Variants in SH3BP5 observed in about 807,000 individuals in gnomAD.
SH3BP5 encodes the protein SH3 domain binding protein 5.
In SH3BP5, 22 loss-of-function variants were observed where a neutral mutation model predicts 43.3. The observed-to-expected ratio is 0.51, with a 90% confidence interval of 0.36 to 0.73. The LOEUF (loss-of-function observed/expected upper bound fraction) is 0.73, where lower values mean the gene tolerates loss of function less well. SH3BP5 is among the 30% of genes least tolerant of loss of function. SH3BP5 has a pLI of 0.00. For synonymous variants in SH3BP5, 255 were observed against 225.8 expected (o/e 1.13, Z -1.16); for missense variants, 529 against 586.9 (o/e 0.90, Z 1.02).
chr3:15,278,242 A>G (rs1245835398), intron 3 of SH3BP5, among the ~76,000 whole-genome samples: 1 of 152,246 alleles, frequency 6.6e-6, no homozygotes, highest in African/African-American at 2.4e-5. Context: ...CTCATGAAGA[A>G]AAGCATCAGA....
At chr3:15,287,634 G>A (rs1431370398) in intron 3 of SH3BP5, among the ~76,000 whole-genome samples, 2 of 152,208 alleles carry the variant, frequency 1.3e-5, no homozygotes, top group East Asian at 3.8e-4. Context: ...CATTTAAGCA[G>A]CTATGTGTGG....
intron 2 of SH3BP5, among the ~76,000 whole-genome samples, chr3:15,327,884 A>G (rs1187543887): frequency 6.6e-6 from 1 of 152,220 alleles, no homozygotes; most frequent in African/African-American, 2.4e-5. Context: ...TATGCCAAAG[A>G]TCTTAAAGAC....
At chr3:15,316,179 G>A (rs1023563856) in intron 2 of SH3BP5, among the ~76,000 whole-genome samples, 2 of 149,488 alleles carry the variant, frequency 1.3e-5, no homozygotes, top group African/African-American at 4.9e-5. Flanking sequence ...TAAACAATAT[G>A]AGCCAGTTAT....
Position 15,332,277 on chromosome 3 carries a change from C to G in SH3BP5, c.132G>C (p.Arg44=), listed in dbSNP as rs774382571. 11 of 1,550,302 alleles carry G rather than the reference C, an allele frequency of 7.1e-6. No individual in the cohort carries two copies. In the East Asian group the frequency reaches 2.4e-4, roughly 34 times the overall value. Reference sequence around the variant, plus strand: ...GCGACCCCGCGCGCCCTACCTGGATCCGGGGATCCACCTCTTCTTCCTCCT... The same window carrying G: ...GCGACCCCGCGCGCCCTACCTGGATGCGGGGATCCACCTCTTCTTCCTCCT... ...GLEEEEEVDP[R]IQGELEKLNQ... Residue 44 remains arginine (R), a synonymous_variant, in exon 1 of 9, where the codon CGG becomes CGC. Transcript: ENST00000383791.
chr3:15,304,854 G>A (rs190996097), intron 2 of SH3BP5, among the ~76,000 whole-genome samples: 5 of 141,584 alleles, frequency 3.5e-5, no homozygotes, highest in African/African-American at 7.9e-5. Context: ...CAACAACAAC[G>A]CAAAGTTTCT....
Position 15,259,219 on chromosome 3 carries a change from A to C in SH3BP5, c.670-169T>G, listed in dbSNP as rs531314900. ...GTAACTGCTATTCATTCACCAGACA[A>C]AATCAGCCACCACCATCCCCAGATC... On this transcript the variant is annotated intron_variant, in intron 6 of 8. Coordinates refer to ENST00000383791, the MANE Select transcript of SH3BP5 (RefSeq NM_004844.5). The C allele has an allele frequency of 2.7e-5, 17 of 626,150 alleles. No homozygotes were observed. In the South Asian group the frequency reaches 2.9e-4, roughly 11 times the overall value. 38.8% of individuals were successfully genotyped at this position (626,150 alleles called of 1,614,324 possible).
At chr3:15,311,175 T>C (rs1329420539) in intron 2 of SH3BP5, among the ~76,000 whole-genome samples, 4 of 152,172 alleles carry the variant, frequency 2.6e-5, no homozygotes, top group African/African-American at 9.7e-5. Context: ...GTATACCACT[T>C]TCAGTTGGCA....
chr3:15,270,338 G>A (rs967981654), intron 3 of SH3BP5, among the ~76,000 whole-genome samples: 9 of 152,124 alleles, frequency 5.9e-5, no homozygotes, highest in Admixed American at 3.3e-4. Flanking sequence ...TAGCTGAGAG[G>A]ACACAGCCTT....
chr3:15,270,948 T>A (rs894202566), intron 3 of SH3BP5, among the ~76,000 whole-genome samples: 2 of 149,506 alleles, frequency 1.3e-5, no homozygotes, highest in African/African-American at 4.9e-5. Context: ...AAAAAGTGAT[T>A]AATCCCAATT....
intron 2 of SH3BP5, among the ~76,000 whole-genome samples, chr3:15,304,995 G>A (rs772865136): frequency 6.6e-5 from 10 of 151,328 alleles, no homozygotes; most frequent in Non-Finnish European, 8.8e-5. Flanking sequence ...GGGGACACCT[G>A]TAATCCCAGC....
At chr3:15,288,998 C>T (rs900526660) in intron 3 of SH3BP5, among the ~76,000 whole-genome samples, 3 of 152,160 alleles carry the variant, frequency 2.0e-5, no homozygotes, top group African/African-American at 7.2e-5. Flanking sequence ...CAGAGAGATA[C>T]AGGTAGTTAC....
chr3:15,292,603 C>T (rs1697442379), intron 3 of SH3BP5, among the ~76,000 whole-genome samples: 1 of 152,138 alleles, frequency 6.6e-6, no homozygotes. Flanking sequence ...AATCCCAGCA[C>T]TTTGGGAGGC....
intron 2 of SH3BP5, among the ~76,000 whole-genome samples, chr3:15,304,974 C>G (rs921296348): frequency 6.6e-6 from 1 of 151,424 alleles, no homozygotes; most frequent in Non-Finnish European, 1.5e-5. Context: ...AAAAATTAGC[C>G]GGGCATAGTG....
At chr3:15,271,059 T>A (rs1559431663) in intron 3 of SH3BP5, among the ~76,000 whole-genome samples, 1 of 151,526 alleles carries the variant, frequency 6.6e-6, no homozygotes, top group African/African-American at 2.4e-5. Context: ...ATTTTGGATA[T>A]ATTAAATTAA....
chr3:15,300,501 CGG>C lies in SH3BP5; in HGVS notation c.330+3600_330+3601del, dbSNP rs1553617399. On this transcript the variant is annotated intron_variant, in intron 3 of 8. Coordinates refer to ENST00000383791, the MANE Select transcript of SH3BP5 (RefSeq NM_004844.5). ...GAGCTTTGTAAATATAAAAAGGAAGCGGGGGCGGGGGGACAAGAGGAAGAAAA... is the reference window on the plus strand; with the variant it reads ...GAGCTTTGTAAATATAAAAAGGAAGCGGGCGGGGGGACAAGAGGAAGAAAA... 3.8e-4 allele frequency among the ~76,000 whole-genome samples: 22 copies of C among 57,774 alleles called. No homozygotes were observed. The East Asian group carries it at 0.041, about 109-fold the overall frequency. The allele number at this position is 57,774 out of a possible 152,430, so 37.9% of individuals were successfully genotyped here.
chr3:15,339,757 T>C (rs2124846397), intron 1 of SH3BP5: 1 of 151,948 alleles, frequency 6.6e-6, no homozygotes. Flanking sequence ...GAGTGCTTGC[T>C]TCGGCAGCAC....
intron 3 of SH3BP5, among the ~76,000 whole-genome samples, chr3:15,294,354 C>T (rs1169212319): frequency 6.7e-6 from 1 of 150,062 alleles, no homozygotes; most frequent in African/African-American, 2.5e-5. Flanking sequence ...TACGTAACTC[C>T]CCCTCATGCA....
intron 3 of SH3BP5, among the ~76,000 whole-genome samples, chr3:15,277,401 G>A (rs907909626): frequency 5.9e-5 from 9 of 152,154 alleles, no homozygotes; most frequent in South Asian, 2.1e-4. Context: ...CACACAGGTC[G>A]GGATGGGCAG....
chr3:15,326,084 C>T (rs1191069221), intron 2 of SH3BP5, among the ~76,000 whole-genome samples: 1 of 152,210 alleles, frequency 6.6e-6, no homozygotes, highest in Non-Finnish European at 1.5e-5. Context: ...TAACTTAAAA[C>T]ATCAGGCTTA....
Sources: allele counts gnomAD v4.1 joint callset (sites outside exome capture counted in the v4.1 genomes callset), GRCh38; gene constraint gnomAD v4.1.1; transcripts MANE v1.5; gene names NCBI Gene and HGNC (gene_info 2026-07-23, HGNC 2026-07-21).